CSMD3: variants seen among roughly 807,000 people sequenced by gnomAD.
The protein encoded by CSMD3 is CUB and Sushi multiple domains 3, also known as CUB and sushi domain-containing protein 3.
A neutral mutation model predicts 435.2 loss-of-function variants in CSMD3; 177 were observed. That is an observed-to-expected ratio of 0.41 (90% CI 0.36 to 0.46). The LOEUF (loss-of-function observed/expected upper bound fraction) is 0.46, where lower values mean the gene tolerates loss of function less well. Among genes scored for constraint, CSMD3 ranks in the 20% least tolerant of loss-of-function variants. CSMD3 has a pLI of 0.34. For missense variants in CSMD3, 4,265 were observed against 4,504.6 expected (o/e 0.95, Z 1.52); for synonymous variants, 1,656 against 1,520.5 (o/e 1.09, Z -2.07).
At chr8:112,753,795 G>A (rs1305898367) in intron 13 of CSMD3, among the ~76,000 whole-genome samples, 1 of 152,190 alleles carries the variant, frequency 6.6e-6, no homozygotes. Context: ...CCCAATGTAT[G>A]AGGAGTTTTA....
chr8:112,231,817 T>A (rs148153999), intron 68 of CSMD3, among the ~76,000 whole-genome samples, 185 bp from the exon 69 acceptor site: 1 of 152,164 alleles, frequency 6.6e-6, no homozygotes, highest in Non-Finnish European at 1.5e-5. Flanking sequence ...AAAAGTAAAT[T>A]TTCTAATTTG....
At chr8:112,645,249 A>G in intron 19 of CSMD3, 24 bp from the exon 20 acceptor site, 1 of 1,218,624 alleles carries the variant, frequency 8.2e-7, no homozygotes, top group South Asian at 1.2e-5. Context: ...AAACAGATCC[A>G]TGTGATCAGC....
At chr8:112,317,636 TCTC>T (rs950348511) in intron 47 of CSMD3, among the ~76,000 whole-genome samples, 1 of 152,038 alleles carries the variant, frequency 6.6e-6, no homozygotes, top group Non-Finnish European at 1.5e-5. Flanking sequence ...ACTTCAGAAT[TCTC>T]AACCAACTTC....
At chr8:112,584,508 G>T (rs1376314910) in intron 23 of CSMD3, among the ~76,000 whole-genome samples, 1 of 151,700 alleles carries the variant, frequency 6.6e-6, no homozygotes, top group Non-Finnish European at 1.5e-5. Context: ...TGAGATAAAA[G>T]TTGTACACGA....
chr8:113,005,970 C>G (rs1246346044), intron 6 of CSMD3, among the ~76,000 whole-genome samples: 1 of 152,046 alleles, frequency 6.6e-6, no homozygotes, highest in African/African-American at 2.4e-5. Context: ...ACAAGGACAG[C>G]TAGCCACTTA....
chr8:112,819,373 C>T (rs1046725510), intron 12 of CSMD3, among the ~76,000 whole-genome samples: 1 of 152,120 alleles, frequency 6.6e-6, no homozygotes, highest in Non-Finnish European at 1.5e-5. Context: ...CTTTCCAATT[C>T]CTCCACATTC....
chr8:113,224,642 C>G (rs1240408726), intron 3 of CSMD3, among the ~76,000 whole-genome samples: 1 of 150,858 alleles, frequency 6.6e-6, no homozygotes, highest in Non-Finnish European at 1.5e-5. Context: ...AATAATTTAC[C>G]TAAATAATAT....
At chr8:113,252,237 A>C (rs374984238) in intron 3 of CSMD3, among the ~76,000 whole-genome samples, 84 of 152,188 alleles carry the variant, frequency 5.5e-4, no homozygotes, top group African/African-American at 1.9e-3. Flanking sequence ...TGATGGAATA[A>C]ATACTCATAA....
intron 10 of CSMD3, among the ~76,000 whole-genome samples, chr8:112,921,174 G>A (rs1178460764): frequency 6.6e-6 from 1 of 151,618 alleles, no homozygotes; most frequent in Non-Finnish European, 1.5e-5. Context: ...TAAAGCCAGA[G>A]AACTAACTGG....
intron 10 of CSMD3, among the ~76,000 whole-genome samples, chr8:112,889,221 T>C (rs555093315): frequency 2.0e-5 from 3 of 151,788 alleles, no homozygotes; most frequent in Admixed American, 6.6e-5. Context: ...GCTCTATTTC[T>C]GTCCCAAATA....
In CSMD3 at chr8:112,573,677, T is replaced by C. The variant is rs1172722830; in HGVS notation, c.3886-20A>G. On this transcript the variant is annotated intron_variant, in intron 23 of 70. Coordinates refer to ENST00000297405, the MANE Select transcript of CSMD3 (RefSeq NM_198123.2). ...ATAAATCTGCAAAATATATTTATAATTAAAATGTAAATGTGCCAATAATAA... is the reference window on the plus strand; with the variant it reads ...ATAAATCTGCAAAATATATTTATAACTAAAATGTAAATGTGCCAATAATAA... 2.0e-6 allele frequency: 3 copies of C among 1,524,182 alleles called. No individual in the cohort carries two copies. The highest frequency in any genetic ancestry group is 1.7e-5 in the Admixed American group (1 of 59,574). The allele number at this position is 1,524,182 out of a possible 1,614,324, so 94.4% of individuals were successfully genotyped here. A position where few individuals can be genotyped will look rare whatever the true frequency, so the allele number is the denominator to read the frequency against.
intron 2 of CSMD3, among the ~76,000 whole-genome samples, chr8:113,308,256 G>GTTTT (rs1482490822): frequency 4.3e-4 from 32 of 74,420 alleles, no homozygotes; most frequent in African/African-American, 1.4e-3. Context: ...AATCATTTAA[G>GTTTT]TCTTTTTTTT....
At chr8:112,696,181 A>C (rs1431208996) in intron 13 of CSMD3, among the ~76,000 whole-genome samples, 1 of 152,222 alleles carries the variant, frequency 6.6e-6, no homozygotes, top group African/African-American at 2.4e-5. Context: ...TGCCATCCTC[A>C]TCAAGCTACC....
chr8:112,527,888 T>A (rs1825134983), intron 27 of CSMD3, among the ~76,000 whole-genome samples: 1 of 152,148 alleles, frequency 6.6e-6, no homozygotes, highest in Non-Finnish European at 1.5e-5. Context: ...TAAAAATAGA[T>A]TTATTCAACT....
chr8:113,205,066 C>T (rs998133431), intron 3 of CSMD3, among the ~76,000 whole-genome samples: 1 of 151,918 alleles, frequency 6.6e-6, no homozygotes. Flanking sequence ...TCACTGCAAC[C>T]TCCACCTCTC....
intron 32 of CSMD3, among the ~76,000 whole-genome samples, chr8:112,466,094 A>G (rs1050448768): frequency 1.3e-5 from 2 of 152,214 alleles, no homozygotes; most frequent in South Asian, 2.1e-4. Flanking sequence ...TCATTGTTAG[A>G]TAAATTCAGT....
At chr8:113,250,814 A>G (rs1302653031) in intron 3 of CSMD3, among the ~76,000 whole-genome samples, 1 of 152,152 alleles carries the variant, frequency 6.6e-6, no homozygotes, top group Non-Finnish European at 1.5e-5. Context: ...AAAAACCAAT[A>G]GAAGAGTGAC....
chr8:112,984,793 T>A (rs1038507006), intron 6 of CSMD3, among the ~76,000 whole-genome samples: 1 of 152,074 alleles, frequency 6.6e-6, no homozygotes, highest in African/African-American at 2.4e-5. Context: ...AAAATGCAAA[T>A]GTTATACATG....
In CSMD3 at chr8:112,241,734, C is replaced by A; in HGVS notation, c.10454G>T (p.Ser3485Ile). ...ACATTACTAACCACTTAGCTTTGGG[C>A]TGGGTGTTCCCAGTGCAGGTCTAGG... ...KDPRPALGTP[S>I]PKLSVPDDVF... is the part of the protein sequence containing the mutation. Residue 3485 changes from serine to isoleucine, a missense_variant, in exon 66 of 71, where the codon AGC (serine) becomes ATC (isoleucine). Transcript: ENST00000297405. The A allele has an allele frequency of 6.2e-7, 1 of 1,611,878 alleles. No individual in the cohort carries two copies. The highest frequency in any genetic ancestry group is 8.5e-7 in the Non-Finnish European group (1 of 1,178,126).
Sources: gnomAD v4.1 joint callset for allele counts (sites outside exome capture counted in the v4.1 genomes callset) on GRCh38, gnomAD v4.1.1 for gene constraint, MANE v1.5 for transcripts, NCBI Gene and HGNC (gene_info 2026-07-23, HGNC 2026-07-21) for gene names.